The following DOCK5 variants were observed in gnomAD, a reference collection of about 807,000 sequenced individuals.
The protein encoded by DOCK5 is dedicator of cytokinesis protein 5.
Under a neutral mutation model 251.8 loss-of-function variants are expected in DOCK5, and 142 were observed. The ratio of observed to expected loss-of-function variants is 0.56; its 90% CI spans 0.49 to 0.65. The LOEUF is 0.65. DOCK5 is among the 30% of genes least tolerant of loss of function. The pLI is 0.00. For synonymous variants in DOCK5, 842 were observed against 835.5 expected (o/e 1.01, Z -0.13); for missense variants, 2,111 against 2,312.3 (o/e 0.91, Z 1.79).
At chr8:25,263,084 C>A (rs1803636309) in intron 2 of DOCK5, among the ~76,000 whole-genome samples, 2 of 151,876 alleles carry the variant, frequency 1.3e-5, no homozygotes, top group African/African-American at 4.9e-5. Flanking sequence ...TCTTCATTCT[C>A]TGTGAATTTA....
intron 12 of DOCK5, among the ~76,000 whole-genome samples, chr8:25,309,358 A>G (rs1980021): frequency 0.053 from 8,081 of 151,810 alleles, 299 homozygotes; most frequent in South Asian, 0.13. Context: ...TAACTTTTAA[A>G]TTTTTTGTAG....
At chr8:25,398,681 A>T (rs1506866) in intron 45 of DOCK5, among the ~76,000 whole-genome samples, 53,716 of 151,880 alleles carry the variant, frequency 0.35, 9,571 homozygotes, top group South Asian at 0.37. Context: ...GCATCTCTTC[A>T]CATAATGTTC....
intron 2 of DOCK5, among the ~76,000 whole-genome samples, chr8:25,263,346 T>G (rs1216758142): frequency 6.6e-6 from 1 of 151,802 alleles, no homozygotes; most frequent in Admixed American, 6.5e-5. Context: ...AGGGGTAGTA[T>G]GCATTTGTAT....
In DOCK5 at chr8:25,394,059, C is replaced by T. The variant is rs533222279; in HGVS notation, c.4527+1177C>T. On this transcript the variant is annotated intron_variant, in intron 44 of 51. Coordinates refer to ENST00000276440, the MANE Select transcript of DOCK5 (RefSeq NM_024940.8). ...CTGGGCAACATAGCAAGACCCCCAC[C>T]TCTACAAAAAGAATAGCAGTATGTG... Among the ~76,000 whole-genome samples the T allele has an allele frequency of 4.5e-4, 69 of 152,232 alleles. No homozygotes were observed. In the Middle Eastern group the frequency reaches 0.01, roughly 23 times the overall value.
intron 7 of DOCK5, among the ~76,000 whole-genome samples, chr8:25,298,375 T>C (rs1804671865): frequency 6.6e-6 from 1 of 152,202 alleles, no homozygotes; most frequent in African/African-American, 2.4e-5. Flanking sequence ...GAAGCTATTG[T>C]GTAAGACAAG....
intron 22 of DOCK5, among the ~76,000 whole-genome samples, chr8:25,340,074 A>C (rs975110833): frequency 4.6e-5 from 7 of 152,154 alleles, no homozygotes; most frequent in Non-Finnish European, 8.8e-5. Flanking sequence ...TTTGGGGTGG[A>C]TCTAGGTTCG....
At chr8:25,257,152 C>A (rs1440774458) in intron 2 of DOCK5, among the ~76,000 whole-genome samples, 1 of 152,008 alleles carries the variant, frequency 6.6e-6, no homozygotes, top group Non-Finnish European at 1.5e-5. Context: ...CCAAATAGAG[C>A]CCCCCACAGC....
intron 13 of DOCK5, among the ~76,000 whole-genome samples, chr8:25,315,289 C>T (rs1805214265): frequency 6.6e-6 from 1 of 151,544 alleles, no homozygotes; most frequent in Non-Finnish European, 1.5e-5. Flanking sequence ...CCTGACTGTG[C>T]TAACAGCTGA....
intron 13 of DOCK5, among the ~76,000 whole-genome samples, chr8:25,313,027 A>G (rs1326584160): frequency 6.6e-6 from 1 of 152,116 alleles, no homozygotes; most frequent in African/African-American, 2.4e-5. Context: ...GAAAATACAG[A>G]TTCCCAGATT....
intron 11 of DOCK5, among the ~76,000 whole-genome samples, chr8:25,306,736 G>A (rs1804948198): frequency 6.6e-6 from 1 of 151,960 alleles, no homozygotes; most frequent in African/African-American, 2.4e-5. Context: ...AAATAAATAT[G>A]TTGAATGTAA....
intron 5 of DOCK5, among the ~76,000 whole-genome samples, chr8:25,289,657 A>G (rs1454558648): frequency 6.6e-6 from 1 of 151,734 alleles, no homozygotes; most frequent in Non-Finnish European, 1.5e-5. Context: ...AGCCTGACCA[A>G]CATGGAGAAA....
chr8:25,300,778 C>T, intron 9 of DOCK5, 121 bp downstream of exon 9: 1 of 1,001,526 alleles, frequency 1.0e-6, no homozygotes, highest in South Asian at 1.7e-5. Context: ...ATCTGCCTAG[C>T]AGGAATAACC....
At chr8:25,263,157 A>T (rs1803637714) in intron 2 of DOCK5, among the ~76,000 whole-genome samples, 1 of 151,870 alleles carries the variant, frequency 6.6e-6, no homozygotes, top group South Asian at 2.1e-4. Context: ...TGTTGAGACA[A>T]ATAAGATCAT....
chr8:25,390,586 G>A (rs1801240155), intron 42 of DOCK5, among the ~76,000 whole-genome samples: 1 of 152,116 alleles, frequency 6.6e-6, no homozygotes, highest in Non-Finnish European at 1.5e-5. Context: ...AAGGGATGTG[G>A]GGGTTTTGGT....
At chr8:25,246,704 TTGTGTGTGTGTGTGTGTGTGTGTG>T (rs55963570) in intron 2 of DOCK5, among the ~76,000 whole-genome samples, 3 of 89,576 alleles carry the variant, frequency 3.3e-5, no homozygotes, top group Non-Finnish European at 2.2e-5. Context: ...CCATGTTAGT[TTGTGTGTGTGTGTGTGTGTGTGTG>T]TGTGTGTGTG....
chr8:25,402,683 A>G (rs1233090197), intron 47 of DOCK5, among the ~76,000 whole-genome samples: 1 of 152,072 alleles, frequency 6.6e-6, no homozygotes, highest in African/African-American at 2.4e-5. Flanking sequence ...GACTCAAGCA[A>G]TCCTCCTGCC....
chr8:25,361,489 C>T (rs1800678652), intron 28 of DOCK5, among the ~76,000 whole-genome samples: 1 of 151,986 alleles, frequency 6.6e-6, no homozygotes, highest in African/African-American at 2.4e-5. Context: ...TGGCAGACAC[C>T]CGTAATCCCA....
At chr8:25,330,872 G>C (rs566096081) in intron 18 of DOCK5, among the ~76,000 whole-genome samples, 18 of 152,240 alleles carry the variant, frequency 1.2e-4, no homozygotes, top group African/African-American at 4.1e-4. Flanking sequence ...AAGCTCAGGA[G>C]TTCAAGACCA....
intron 2 of DOCK5, among the ~76,000 whole-genome samples, chr8:25,248,323 G>T (rs574615455): frequency 3.3e-5 from 5 of 152,246 alleles, no homozygotes; most frequent in African/African-American, 1.2e-4. Flanking sequence ...AACATGAAAC[G>T]CGATGGGAAT....
Sources: allele counts gnomAD v4.1 joint callset (sites outside exome capture counted in the v4.1 genomes callset), GRCh38; gene constraint gnomAD v4.1.1; transcripts MANE v1.5; gene names NCBI Gene and HGNC (gene_info 2026-07-23, HGNC 2026-07-21).